The following RBM33 variants were observed in gnomAD, a reference collection of about 807,000 sequenced individuals.
RBM33 encodes RNA-binding protein 33.
A neutral mutation model predicts 132.6 loss-of-function variants in RBM33; 28 were observed. The observed-to-expected ratio is 0.21, with a 90% CI of 0.16 to 0.29. RBM33 has a LOEUF of 0.29. Among genes scored for constraint, RBM33 ranks in the 10% least tolerant of loss-of-function variants. The pLI is 1.00. For synonymous variants in RBM33, 634 were observed against 593.0 expected (o/e 1.07, Z -1.01); for missense variants, 1,291 against 1,518.5 (o/e 0.85, Z 2.49).
intron 7 of RBM33, among the ~76,000 whole-genome samples, chr7:155,708,995 C>CCT (rs1371511373): frequency 6.6e-6 from 1 of 152,012 alleles, no homozygotes; most frequent in Admixed American, 6.6e-5. Context: ...AGAGATGCCA[C>CCT]CTGACCCCTT....
intron 8 of RBM33, among the ~76,000 whole-genome samples, chr7:155,713,648 G>A (rs1585475819): frequency 6.6e-6 from 1 of 152,156 alleles, no homozygotes; most frequent in Non-Finnish European, 1.5e-5. Context: ...CACAGGCCTG[G>A]CTGAGATGGG....
Position 155,780,424 on chromosome 7 carries a change from G to T in RBM33, c.*5383G>T, listed in dbSNP as rs1313527769. On this transcript the variant is annotated 3_prime_UTR_variant, in exon 18 of 18. Transcript: ENST00000401878. Reference sequence around the variant, plus strand: ...ACCACAGCAGCAAAGCACAGAGTGTGACCTTTTTCATGTCTGAGCTGATTC... The same window carrying T: ...ACCACAGCAGCAAAGCACAGAGTGTTACCTTTTTCATGTCTGAGCTGATTC... 1 of 152,218 alleles carries T rather than the reference G, an allele frequency of 6.6e-6. No individual in the cohort carries two copies. Among genetic ancestry groups the T allele is most frequent in the Non-Finnish European group, 1.5e-5 (1 of 68,074 alleles). 9.4% of individuals were successfully genotyped at this position (152,218 alleles called of 1,614,324 possible). A position where few individuals can be genotyped will look rare whatever the true frequency, so the allele number is the denominator to read the frequency against.
chr7:155,773,711 G>A (rs879441848), intron 16 of RBM33, among the ~76,000 whole-genome samples: 7 of 151,644 alleles, frequency 4.6e-5, no homozygotes, highest in Non-Finnish European at 8.8e-5. Flanking sequence ...TTCACAGAGC[G>A]CCACTGAACA....
In RBM33 at chr7:155,776,957, C is replaced by A. The variant is rs1482575552; in HGVS notation, c.*1916C>A. ...CCTTGAGCTCTAATTAAGAGAGATC[C>A]AAACCACTCAGTACCCACTGGGCAG... is the stretch of plus-strand genomic sequence containing the variant. On this transcript the variant is annotated 3_prime_UTR_variant, in exon 18 of 18. Transcript: ENST00000401878. This position sits in a 1 kb window ranked among gnomAD's most constrained non-coding sequence, Gnocchi z 4.0. 1 of 152,108 alleles carries A rather than the reference C, an allele frequency of 6.6e-6. No homozygotes were observed. The highest frequency in any genetic ancestry group is 1.5e-5 in the Non-Finnish European group (1 of 68,006). The allele number at this position is 152,108 out of a possible 1,614,324, so 9.4% of individuals were successfully genotyped here.
chr7:155,675,168 A>G (rs1485742385), intron 3 of RBM33, among the ~76,000 whole-genome samples: 2 of 151,946 alleles, frequency 1.3e-5, no homozygotes, highest in Non-Finnish European at 2.9e-5. Flanking sequence ...TTAGCCGGGC[A>G]TGGTGACATG....
chr7:155,702,930 G>GC (rs2116961927), intron 6 of RBM33, among the ~76,000 whole-genome samples: 1 of 132,006 alleles, frequency 7.6e-6, no homozygotes, highest in Admixed American at 8.3e-5. Context: ...TACAAATGGG[G>GC]GCTTTCCCCA....
chr7:155,660,035 A>C (rs1306342711), intron 1 of RBM33, among the ~76,000 whole-genome samples: 1 of 152,206 alleles, frequency 6.6e-6, no homozygotes, highest in African/African-American at 2.4e-5. Context: ...TTTAATATCC[A>C]GTGTGATCTC....
intron 14 of RBM33, among the ~76,000 whole-genome samples, chr7:155,761,079 A>G (rs1212094602): frequency 6.6e-6 from 1 of 152,196 alleles, no homozygotes; most frequent in East Asian, 1.9e-4. Context: ...GCAGATATAC[A>G]CACGGTCCTT....
rs1204416348 is a variant in RBM33, at chr7:155,711,259, G to A, written c.1005G>A (p.Leu335=). 3 of 1,601,906 alleles carry A rather than the reference G, an allele frequency of 1.9e-6. No individual in the cohort carries two copies. In the Admixed American group the frequency reaches 5.2e-5, roughly 28 times the overall value. Reference sequence around the variant, plus strand: ...CTCAGCAGCAGCCGATCAGAAGCCTGTTCCAGCCGCAGCCGCTGCAGCCGC... The same window carrying A: ...CTCAGCAGCAGCCGATCAGAAGCCTATTCCAGCCGCAGCCGCTGCAGCCGC... ...PPPQQQPIRS[L]FQPQPLQPLL... The change falls in exon 8 of 18, where the codon CTG becomes CTA. Residue 335 remains leucine, a synonymous_variant. Coordinates refer to ENST00000401878, the MANE Select transcript of RBM33 (RefSeq NM_053043.3).
chr7:155,702,402 C>G (rs1255462846), intron 6 of RBM33, among the ~76,000 whole-genome samples: 2 of 152,076 alleles, frequency 1.3e-5, no homozygotes, highest in African/African-American at 4.8e-5. Flanking sequence ...TCTTGTGGCC[C>G]AAGATTTCCC....
chr7:155,684,814 A>T, intron 5 of RBM33: 2 of 1,129,024 alleles, frequency 1.8e-6, no homozygotes, highest in Non-Finnish European at 1.2e-6. Context: ...TCAGTCAGCT[A>T]ATCACCATAG....
At chr7:155,737,456 T>C in intron 9 of RBM33, 74 bp from the exon 10 acceptor site, 3 of 1,458,286 alleles carry the variant, frequency 2.1e-6, no homozygotes, top group Non-Finnish European at 2.7e-6. Context: ...TGGAACCAGG[T>C]CTATATTTCT....
chr7:155,695,605 A>G (rs1170629342), intron 5 of RBM33, among the ~76,000 whole-genome samples: 2 of 151,998 alleles, frequency 1.3e-5, no homozygotes, highest in Admixed American at 6.5e-5. Context: ...GATTACAGGC[A>G]CGTACCACCA....
chr7:155,738,054 T>C lies in RBM33; in HGVS notation c.1394-6T>C. 2 of 1,609,840 alleles carry C rather than the reference T, an allele frequency of 1.2e-6. No homozygotes were observed. The highest frequency in any genetic ancestry group is 1.7e-4 in the Middle Eastern group (1 of 6,038). On this transcript the variant is annotated splice_polypyrimidine_tract_variant and splice_region_variant and intron_variant, in intron 10 of 17. Transcript: ENST00000401878. ...CTGAAGTTAATGATGTTGTGTTACC[T>C]TTCAGTTTCAGGTGAACCAAGATTC...
intron 11 of RBM33, chr7:155,739,471 A>T (rs1801243298): frequency 5.7e-6 from 3 of 523,056 alleles, no homozygotes. Flanking sequence ...TTGTCTGCAT[A>T]CCTAGTTTTC....
rs1393214035 is a variant in RBM33, at chr7:155,745,662, A to T, written c.2979+60A>T. 7.2e-7 allele frequency: 1 copy of T among 1,392,804 alleles called. No homozygotes were observed. Among genetic ancestry groups the T allele is most frequent in the African/African-American group, 1.5e-5 (1 of 68,886 alleles). 86.3% of individuals were successfully genotyped at this position (1,392,804 alleles called of 1,614,324 possible). A position where few individuals can be genotyped will look rare whatever the true frequency, so the allele number is the denominator to read the frequency against. ...TCTGTGTATCACATAGAATGTCCTCATTTGCAGAGAATGTTTTTGAAGAAA... is the reference window on the plus strand; with the variant it reads ...TCTGTGTATCACATAGAATGTCCTCTTTTGCAGAGAATGTTTTTGAAGAAA... On this transcript the variant is annotated intron_variant, in intron 14 of 17. Coordinates refer to ENST00000401878, the MANE Select transcript of RBM33 (RefSeq NM_053043.3). This position sits in a 1 kb window ranked among gnomAD's most constrained non-coding sequence, Gnocchi z 4.1.
chr7:155,734,144 C>T (rs1370749786), intron 9 of RBM33, among the ~76,000 whole-genome samples: 1 of 152,246 alleles, frequency 6.6e-6, no homozygotes, highest in African/African-American at 2.4e-5. Context: ...CATCGACAGA[C>T]CCACTCTTTG....
chr7:155,677,880 C>T (rs1799227533), intron 3 of RBM33, among the ~76,000 whole-genome samples: 1 of 152,114 alleles, frequency 6.6e-6, no homozygotes, highest in Non-Finnish European at 1.5e-5. Context: ...TAGTAATTTA[C>T]ATATACCATT....
At chr7:155,735,612 C>T (rs532388444) in intron 9 of RBM33, among the ~76,000 whole-genome samples, 1 of 152,212 alleles carries the variant, frequency 6.6e-6, no homozygotes, top group East Asian at 1.9e-4. Context: ...GTGGAAGGAT[C>T]CCTTGAGCCA....
Sources: gnomAD v4.1 joint callset for allele counts (sites outside exome capture counted in the v4.1 genomes callset) on GRCh38, gnomAD v4.1.1 for gene constraint, Gnocchi (gnomAD v3.1) non-coding constraint, MANE v1.5 for transcripts, NCBI Gene and HGNC (gene_info 2026-07-23, HGNC 2026-07-21) for gene names.